ERBB4: variants seen among roughly 807,000 people sequenced by gnomAD.
The protein encoded by ERBB4 is receptor tyrosine-protein kinase erbB-4.
Under a neutral mutation model 158.0 loss-of-function variants are expected in ERBB4, and 42 were observed. The observed-to-expected ratio is 0.27, with a 90% CI of 0.21 to 0.34. The LOEUF (loss-of-function observed/expected upper bound fraction) is 0.34. ERBB4 is among the 10% of genes least tolerant of loss of function. The probability of loss-of-function intolerance (pLI) is 1.00; values close to 1 mark genes in which losing one functional copy is unlikely to be tolerated. For missense variants in ERBB4, 1,333 were observed against 1,624.1 expected (o/e 0.82, Z 3.08); for synonymous variants, 583 against 558.7 (o/e 1.04, Z -0.61).
rs1458015203 is a variant in ERBB4, at chr2:212,123,433, A to C, written c.234+1319T>G. On this transcript the variant is annotated intron_variant, in intron 2 of 27. Coordinates refer to ENST00000342788, the MANE Select transcript of ERBB4 (RefSeq NM_005235.3). ...ACAAAACAAAACAAAACAAAGAAAAAACAAAAAAGTAAGTTCTTTTAAGGC... is the reference window on the plus strand; with the variant it reads ...ACAAAACAAAACAAAACAAAGAAAACACAAAAAAGTAAGTTCTTTTAAGGC... Among the ~76,000 whole-genome samples, 7 of 152,164 alleles carry C rather than the reference A, an allele frequency of 4.6e-5. No homozygotes were observed. The East Asian group carries it at 1.3e-3, about 29-fold the overall frequency.
chr2:212,045,708 C>G (rs557976245), intron 2 of ERBB4, among the ~76,000 whole-genome samples: 21 of 152,248 alleles, frequency 1.4e-4, no homozygotes, highest in African/African-American at 4.6e-4. Flanking sequence ...CCTGAAAAGG[C>G]TTCTTTCTCC....
intron 1 of ERBB4, among the ~76,000 whole-genome samples, chr2:212,517,928 C>G (rs1048551869): frequency 4.6e-5 from 7 of 152,028 alleles, no homozygotes; most frequent in Non-Finnish European, 8.8e-5. Flanking sequence ...ATGCTGTACA[C>G]TGTATGAAAT....
chr2:212,161,658 T>C (rs1371590621), intron 1 of ERBB4, among the ~76,000 whole-genome samples: 1 of 151,910 alleles, frequency 6.6e-6, no homozygotes, highest in African/African-American at 2.4e-5. Flanking sequence ...AGACAACTTA[T>C]ATTTAAAGTA....
intron 19 of ERBB4, among the ~76,000 whole-genome samples, chr2:211,580,866 C>CATATATATAT (rs56892079): frequency 2.2e-4 from 14 of 64,154 alleles, no homozygotes; most frequent in Non-Finnish European, 2.8e-4. Context: ...TATGCATATA[C>CATATATATAT]ATATATATAT....
intron 3 of ERBB4, among the ~76,000 whole-genome samples, chr2:211,800,652 T>A (rs1233280496): frequency 2.3e-5 from 3 of 132,396 alleles, no homozygotes; most frequent in African/African-American, 9.5e-5. Flanking sequence ...CATGAAAAAC[T>A]GTGCGTTAAA....
chr2:212,505,875 T>C (rs945783078), intron 1 of ERBB4, among the ~76,000 whole-genome samples: 7 of 148,912 alleles, frequency 4.7e-5, no homozygotes, highest in African/African-American at 1.7e-4. Flanking sequence ...GTAGGAGGTA[T>C]ATAGGGTAAA....
intron 3 of ERBB4, among the ~76,000 whole-genome samples, chr2:211,885,687 T>C (rs1487907589): frequency 5.3e-5 from 8 of 152,132 alleles, no homozygotes; most frequent in Non-Finnish European, 1.0e-4. Flanking sequence ...CTTGAACTAC[T>C]GACCTCAGGT....
chr2:212,318,190 C>G (rs2087383537), intron 1 of ERBB4, among the ~76,000 whole-genome samples: 1 of 151,426 alleles, frequency 6.6e-6, no homozygotes, highest in Non-Finnish European at 1.5e-5. Flanking sequence ...AAAGGCAGCC[C>G]TCAAATGAAG....
chr2:212,285,407 C>G (rs1026898482), intron 1 of ERBB4, among the ~76,000 whole-genome samples: 3 of 148,632 alleles, frequency 2.0e-5, no homozygotes, highest in Admixed American at 6.7e-5. Flanking sequence ...TTTTTTTTGC[C>G]TGCTGTGAGT....
At chr2:212,327,728 C>CTTTTTTTTTTTTT (rs11413473) in intron 1 of ERBB4, among the ~76,000 whole-genome samples, 1 of 133,372 alleles carries the variant, frequency 7.5e-6, no homozygotes, top group Admixed American at 7.9e-5. Flanking sequence ...TTCTTTTTTT[C>CTTTTTTTTTTTTT]TTTTTTTTTT....
chr2:212,017,383 G>A (rs1338353828), intron 2 of ERBB4, among the ~76,000 whole-genome samples: 1 of 151,958 alleles, frequency 6.6e-6, no homozygotes, highest in Non-Finnish European at 1.5e-5. Context: ...TCATTTGTTG[G>A]CCACCAGACA....
intron 7 of ERBB4, among the ~76,000 whole-genome samples, chr2:211,719,465 A>G (rs2074026643): frequency 2.0e-5 from 3 of 152,044 alleles, no homozygotes; most frequent in African/African-American, 4.8e-5. Flanking sequence ...TGTTCCAAGC[A>G]TTGACAACAG....
intron 15 of ERBB4, among the ~76,000 whole-genome samples, chr2:211,658,179 A>C (rs1454089902): frequency 1.3e-5 from 2 of 152,202 alleles, no homozygotes; most frequent in East Asian, 3.9e-4. Context: ...TTATCAACTA[A>C]GTGGGATGCA....
Position 211,974,340 on chromosome 2 carries a change from A to G in ERBB4, c.235-26724T>C, listed in dbSNP as rs375189466. On this transcript the variant is annotated intron_variant, in intron 2 of 27. Coordinates refer to ENST00000342788, the MANE Select transcript of ERBB4 (RefSeq NM_005235.3). ...GAGTAATGGTAAAAACTCCATGCAC[A>G]TGTAAAGGAAGCAAGAAAGAAAGAA... Among the ~76,000 whole-genome samples the G allele has an allele frequency of 2.6e-5, 4 of 152,140 alleles. No homozygotes were observed. The East Asian group carries it at 7.7e-4, about 29-fold the overall frequency.
intron 1 of ERBB4, among the ~76,000 whole-genome samples, chr2:212,392,575 C>T (rs2090908691): frequency 6.6e-6 from 1 of 152,002 alleles, no homozygotes; most frequent in Non-Finnish European, 1.5e-5. Flanking sequence ...CATGCATTAT[C>T]TGGGCAAAGA....
chr2:212,112,065 C>T (rs2079427416), intron 2 of ERBB4, among the ~76,000 whole-genome samples: 1 of 152,032 alleles, frequency 6.6e-6, no homozygotes, highest in Non-Finnish European at 1.5e-5. Context: ...ACTTCTGTCA[C>T]CCAGGGTGGA....
intron 3 of ERBB4, among the ~76,000 whole-genome samples, chr2:211,915,007 T>C (rs1311832670): frequency 6.6e-6 from 1 of 152,164 alleles, no homozygotes; most frequent in Non-Finnish European, 1.5e-5. Flanking sequence ...GATTTTTTGT[T>C]AGCAGGCATG....
chr2:212,333,933 G>A (rs948200934), intron 1 of ERBB4, among the ~76,000 whole-genome samples: 7 of 152,014 alleles, frequency 4.6e-5, no homozygotes, highest in Admixed American at 3.9e-4. Context: ...GACTCAGATA[G>A]TGTCACTGCT....
At chr2:211,516,741 A>G (rs1478524092) in intron 20 of ERBB4, among the ~76,000 whole-genome samples, 3 of 152,182 alleles carry the variant, frequency 2.0e-5, no homozygotes. Context: ...CAGAGTGTAT[A>G]TAAGGATTAT....
Sources: gnomAD v4.1 joint callset for allele counts (sites outside exome capture counted in the v4.1 genomes callset) on GRCh38, gnomAD v4.1.1 for gene constraint, MANE v1.5 for transcripts, NCBI Gene and HGNC (gene_info 2026-07-23, HGNC 2026-07-21) for gene names.